ADAMTSL1: variants seen among roughly 807,000 people sequenced by gnomAD.
The protein encoded by ADAMTSL1 is ADAMTS-like protein 1.
A neutral mutation model predicts 201.8 loss-of-function variants in ADAMTSL1; 126 were observed. The observed-to-expected ratio is 0.62, with a 90% CI of 0.54 to 0.72. ADAMTSL1 has a LOEUF of 0.72. ADAMTSL1 is among the 30% of genes least tolerant of loss of function. ADAMTSL1 has a pLI of 0.00. For synonymous variants in ADAMTSL1, 1,121 were observed against 903.4 expected, an observed-to-expected ratio of 1.24 and a Z score of -4.32; for missense variants, 2,679 against 2,277.8, an observed-to-expected ratio of 1.18 and a Z score of -3.59.
rs551177912 is a variant in ADAMTSL1 at position 18,390,644 on chromosome 9, T to C, written c.208-114185T>C. Among the ~76,000 whole-genome samples the C allele has an allele frequency of 4.6e-5, 7 of 152,048 alleles. 1 individual carries two copies. In the South Asian group the frequency reaches 1.5e-3, roughly 32 times the overall value. On this transcript the variant is annotated intron_variant, in intron 2 of 29. Coordinates refer to the ADAMTSL1 transcript ENST00000680146. ...GGTCTGGCCAAAATCCTCTCAGGAG[T>C]GTTGACAAACTCCCAAGAAGAACAC... is the stretch of plus-strand genomic sequence containing the variant.
Position 18,904,325 on chromosome 9 carries a change from C to T in ADAMTSL1, c.4852-1457C>T, listed in dbSNP as rs144017571. On this transcript the variant is annotated intron_variant, in intron 26 of 28. Coordinates refer to ENST00000380548, the MANE Select transcript of ADAMTSL1 (RefSeq NM_001040272.6). ...CTCTACTAAAAATATAAAAATTAGC[C>T]GGGTGTGATGGCACATGCCTGTAGT... is the stretch of plus-strand genomic sequence containing the variant. 1.8e-3 allele frequency among the ~76,000 whole-genome samples: 269 copies of T among 151,894 alleles called. 1 individual carries two copies. Among genetic ancestry groups the T allele is most frequent in the African/African-American group, 5.3e-3 (219 of 41,418 alleles).
intron 3 of ADAMTSL1, among the ~76,000 whole-genome samples, chr9:18,562,086 C>A (rs1376178349): frequency 6.6e-6 from 1 of 152,080 alleles, no homozygotes; most frequent in Non-Finnish European, 1.5e-5. Context: ...GGTTATTTTG[C>A]CCATTAGTTG....
intron 1 of ADAMTSL1, among the ~76,000 whole-genome samples, chr9:18,082,162 G>C (rs1331269620): frequency 1.3e-5 from 2 of 152,068 alleles, no homozygotes; most frequent in African/African-American, 2.4e-5. Context: ...TTGGACAGCA[G>C]GTTTATATAA....
chr9:18,441,314 T>G (rs1289757469), intron 2 of ADAMTSL1, among the ~76,000 whole-genome samples: 2 of 152,194 alleles, frequency 1.3e-5, no homozygotes, highest in African/African-American at 4.8e-5. Flanking sequence ...TGTGAAATTG[T>G]ATCTCAATTT....
chr9:18,544,787 T>C (rs953080940), intron 3 of ADAMTSL1, among the ~76,000 whole-genome samples: 15 of 152,202 alleles, frequency 9.9e-5, no homozygotes, highest in African/African-American at 3.1e-4. Flanking sequence ...CCATGATCAG[T>C]TGTTATATTG....
At chr9:18,184,485 G>A (rs1451634070) in intron 2 of ADAMTSL1, among the ~76,000 whole-genome samples, 1 of 152,200 alleles carries the variant, frequency 6.6e-6, no homozygotes, top group African/African-American at 2.4e-5. Context: ...AAGAGGATAT[G>A]ATAAGAGGAT....
At chr9:18,852,356 A>G (rs10963800) in intron 23 of ADAMTSL1, among the ~76,000 whole-genome samples, 21,514 of 152,268 alleles carry the variant, frequency 0.14, 1,654 homozygotes, top group East Asian at 0.28. Flanking sequence ...GCCTTCCCAC[A>G]TAGTAAATGC....
At chr9:18,735,117 C>T (rs1818429041) in intron 15 of ADAMTSL1, among the ~76,000 whole-genome samples, 1 of 152,168 alleles carries the variant, frequency 6.6e-6, no homozygotes, top group African/African-American at 2.4e-5. Context: ...TACCATGCTG[C>T]CTCAGACACC....
intron 1 of ADAMTSL1, among the ~76,000 whole-genome samples, chr9:17,938,826 TTG>T (rs985034886): frequency 2.0e-5 from 3 of 152,172 alleles, no homozygotes; most frequent in African/African-American, 7.2e-5. Flanking sequence ...CAGATTCACG[TTG>T]TGTTTCCTGA....
In ADAMTSL1 at chr9:18,775,899, A is replaced by T; in HGVS notation, c.2551+3A>T. 6.3e-7 allele frequency: 1 copy of T among 1,588,966 alleles called. No individual in the cohort carries two copies. Among genetic ancestry groups the T allele is most frequent in the Non-Finnish European group, 8.6e-7 (1 of 1,166,750 alleles). ...CTGTATGCTGGCAACCTGTGCAAGT[A>T]AGTATGTCAGGGCTCTGGGAATGGG... is the stretch of plus-strand genomic sequence containing the variant. On this transcript the variant is annotated splice_donor_region_variant and intron_variant, in intron 18 of 28. Coordinates refer to ENST00000380548, the MANE Select transcript of ADAMTSL1 (RefSeq NM_001040272.6).
chr9:18,449,927 T>A (rs1411545108), intron 2 of ADAMTSL1, among the ~76,000 whole-genome samples: 1 of 152,218 alleles, frequency 6.6e-6, no homozygotes, highest in African/African-American at 2.4e-5. Context: ...GCAGTGAGAA[T>A]GCAAAATGGG....
chr9:18,663,676 T>C (rs763938714), intron 9 of ADAMTSL1, among the ~76,000 whole-genome samples: 132 of 151,964 alleles, frequency 8.7e-4, no homozygotes, highest in Non-Finnish European at 1.7e-3. Context: ...CTAGGAGAAA[T>C]GACAATTTCA....
At chr9:17,939,425 G>C (rs955290950) in intron 1 of ADAMTSL1, among the ~76,000 whole-genome samples, 1 of 151,350 alleles carries the variant, frequency 6.6e-6, no homozygotes. Flanking sequence ...GTTTTATGCT[G>C]TATTCAATGT....
At chr9:18,151,470 A>G (rs894209591) in intron 1 of ADAMTSL1, among the ~76,000 whole-genome samples, 8 of 151,986 alleles carry the variant, frequency 5.3e-5, no homozygotes, top group African/African-American at 1.9e-4. Context: ...TTACCTACTA[A>G]GTAGCCAATG....
At chr9:18,245,132 A>G (rs527948119) in intron 2 of ADAMTSL1, among the ~76,000 whole-genome samples, 1 of 152,284 alleles carries the variant, frequency 6.6e-6, no homozygotes, top group African/African-American at 2.4e-5. Context: ...ACCTCATTAT[A>G]TCAGGGATGC....
At chr9:18,497,344 AAATAC>A (rs558914458) in intron 1 of ADAMTSL1, among the ~76,000 whole-genome samples, 54,911 of 151,958 alleles carry the variant, frequency 0.36, 10,863 homozygotes, top group South Asian at 0.47. Flanking sequence ...TTCCTTTGTA[AAATAC>A]ATGAATTACC....
At chr9:18,636,158 A>G in intron 6 of ADAMTSL1, 141 bp downstream of exon 6, 1 of 695,852 alleles carries the variant, frequency 1.4e-6, no homozygotes. Context: ...ACCTCTGTTT[A>G]TCTTTTAGCT....
chr9:18,423,566 C>G (rs1819060144), intron 2 of ADAMTSL1, among the ~76,000 whole-genome samples: 1 of 152,188 alleles, frequency 6.6e-6, no homozygotes, highest in Admixed American at 6.5e-5. Context: ...GTACTAGGCA[C>G]TTTGAGGGAT....
intron 4 of ADAMTSL1, among the ~76,000 whole-genome samples, chr9:18,609,327 A>G (rs1388919040): frequency 6.6e-6 from 1 of 151,346 alleles, no homozygotes; most frequent in Non-Finnish European, 1.5e-5. Flanking sequence ...GCAATTTCAG[A>G]AAAGTATTTT....
Sources: gnomAD v4.1 joint callset for allele counts (sites outside exome capture counted in the v4.1 genomes callset) on GRCh38, gnomAD v4.1.1 for gene constraint, MANE v1.5 for transcripts, NCBI Gene and HGNC (gene_info 2026-07-23, HGNC 2026-07-21) for gene names.